Variants in GNAO1 observed in about 807,000 individuals in gnomAD.
GNAO1 encodes the protein guanine nucleotide-binding protein G(o) subunit alpha.
For synonymous variants in GNAO1, 164 were observed against 180.7 expected, an observed-to-expected ratio of 0.91 and a Z score of 0.74; for missense variants, 166 against 478.7, an observed-to-expected ratio of 0.35 and a Z score of 6.10.
At chr16:56,261,018 T>A (rs1191439380) in intron 2 of GNAO1, among the ~76,000 whole-genome samples, 1 of 152,158 alleles carries the variant, frequency 6.6e-6, no homozygotes, top group Non-Finnish European at 1.5e-5. Context: ...GTCCATGTAG[T>A]CAGAGATGTT....
At position 56,328,770 on chromosome 16, in the gene GNAO1, A is replaced by C. The variant is rs2037660606; in HGVS notation, c.443A>C (p.Gln148Pro). ...QECFNRSREY[Q>P]LNDSAKYYLD... ...TGCTTCAACCGGTCCCGGGAGTATC[A>C]GCTCAACGACTCTGCCAAATAGTGA... The change falls in exon 4 of 9, where the codon CAG becomes CCG. Residue 148 changes from glutamine (Q) to proline (P), a missense_variant. Transcript: ENST00000262493. The C allele has an allele frequency of 1.2e-6, 2 of 1,614,254 alleles. No homozygotes were observed. The highest frequency in any genetic ancestry group is 8.5e-7 in the Non-Finnish European group (1 of 1,180,030).
At chr16:56,347,284 C>T (rs751741303) in intron 6 of GNAO1, 86 of 985,294 alleles carry the variant, frequency 8.7e-5, no homozygotes, top group Non-Finnish European at 1.0e-4. Context: ...GCTCCAGCTC[C>T]GCGGCCACCA....
intron 2 of GNAO1, chr16:56,192,859 T>C: frequency 1.8e-6 from 1 of 541,772 alleles, no homozygotes; most frequent in South Asian, 2.4e-5. Context: ...CCTGTAGTTG[T>C]ATGAATGACA....
chr16:56,319,364 GGAA>G (rs1437691390), intron 3 of GNAO1, among the ~76,000 whole-genome samples: 1 of 152,142 alleles, frequency 6.6e-6, no homozygotes, highest in African/African-American at 2.4e-5. Flanking sequence ...TGAGAAGCGC[GGAA>G]GAAGGTGCTA....
At chr16:56,285,704 A>G (rs2037159645) in intron 3 of GNAO1, among the ~76,000 whole-genome samples, 4 of 152,248 alleles carry the variant, frequency 2.6e-5, no homozygotes, top group Non-Finnish European at 4.4e-5. Context: ...TGGGCCTACC[A>G]CAAATGCAAT....
chr16:56,194,303 C>A (rs775360821), intron 2 of GNAO1: 1 of 456,496 alleles, frequency 2.2e-6, no homozygotes, highest in Non-Finnish European at 4.4e-6. Flanking sequence ...CCCTTTGCAA[C>A]AAGGTGCATG....
intron 3 of GNAO1, among the ~76,000 whole-genome samples, chr16:56,324,378 G>A (rs756814909): frequency 3.3e-5 from 5 of 152,178 alleles, no homozygotes; most frequent in Admixed American, 6.5e-5. Flanking sequence ...GTCCTGACTT[G>A]TTCTGACTCA....
intron 2 of GNAO1, among the ~76,000 whole-genome samples, chr16:56,205,131 G>A (rs747120851): frequency 1.3e-5 from 2 of 152,220 alleles, no homozygotes; most frequent in South Asian, 2.1e-4. Context: ...GTGTCCATAT[G>A]TACTCTCCAC....
chr16:56,228,062 T>G (rs2036549204), intron 2 of GNAO1, among the ~76,000 whole-genome samples: 2 of 152,044 alleles, frequency 1.3e-5, no homozygotes, highest in African/African-American at 4.8e-5. Context: ...CATAGCAGGA[T>G]TGACAGGAAG....
At chr16:56,268,187 AG>A (rs2036977813) in intron 2 of GNAO1, among the ~76,000 whole-genome samples, 1 of 152,346 alleles carries the variant, frequency 6.6e-6, no homozygotes, top group East Asian at 1.9e-4. Context: ...GTGGGCTCTA[AG>A]CAGAACCATT....
At chr16:56,220,463 G>A (rs1331637552) in intron 2 of GNAO1, among the ~76,000 whole-genome samples, 9 of 152,136 alleles carry the variant, frequency 5.9e-5, no homozygotes, top group African/African-American at 9.7e-5. Flanking sequence ...AGAAGTTTGG[G>A]GTCCAAAACT....
intron 2 of GNAO1, among the ~76,000 whole-genome samples, chr16:56,222,851 G>A (rs925306655): frequency 2.6e-5 from 4 of 152,118 alleles, no homozygotes; most frequent in African/African-American, 9.7e-5. Flanking sequence ...AGGTGATAAT[G>A]ATAGCTAGCA....
chr16:56,320,380 G>A (rs1482945623), intron 3 of GNAO1, among the ~76,000 whole-genome samples: 1 of 152,196 alleles, frequency 6.6e-6, no homozygotes, highest in African/African-American at 2.4e-5. Flanking sequence ...CCCTCCGTTT[G>A]CTCACACAAC....
rs569075319 is a variant in GNAO1 at position 56,222,682 on chromosome 16, C to T, written c.161+30066C>T. Reference sequence around the variant, plus strand: ...GGAGCCTGGTAACTTGAGCCTCCATCGTAGGTGTGTGTGAGAAAGGAAATG... The same window carrying T: ...GGAGCCTGGTAACTTGAGCCTCCATTGTAGGTGTGTGTGAGAAAGGAAATG... On this transcript the variant is annotated intron_variant, in intron 2 of 8. Coordinates refer to ENST00000262493, the MANE Select transcript of GNAO1 (RefSeq NM_020988.3). 4.6e-5 allele frequency among the ~76,000 whole-genome samples: 7 copies of T among 152,252 alleles called. No individual in the cohort carries two copies. In the South Asian group the frequency reaches 1.2e-3, roughly 27 times the overall value.
chr16:56,234,565 A>T (rs2036619619), intron 2 of GNAO1, among the ~76,000 whole-genome samples: 1 of 152,156 alleles, frequency 6.6e-6, no homozygotes, highest in African/African-American at 2.4e-5. Flanking sequence ...AGTCTGCATG[A>T]ACCCATGAAC....
At chr16:56,347,647 T>A in intron 6 of GNAO1, 1 of 985,174 alleles carries the variant, frequency 1.0e-6, no homozygotes, top group South Asian at 4.7e-5. Flanking sequence ...ACAGAAGCTC[T>A]CATCCCCAGG....
At chr16:56,345,809 T>G in intron 6 of GNAO1, 3 of 985,544 alleles carry the variant, frequency 3.0e-6, no homozygotes, top group Non-Finnish European at 3.6e-6. Context: ...GGCCAGTTGT[T>G]CCGCTTACTC....
At chr16:56,206,200 G>C (rs2036326179) in intron 2 of GNAO1, among the ~76,000 whole-genome samples, 1 of 151,828 alleles carries the variant, frequency 6.6e-6, no homozygotes, top group African/African-American at 2.4e-5. Flanking sequence ...GGCGACTGTA[G>C]TCACAGCTAC....
chr16:56,283,744 C>T (rs1183218958), intron 3 of GNAO1, among the ~76,000 whole-genome samples: 2 of 152,094 alleles, frequency 1.3e-5, no homozygotes, highest in East Asian at 3.9e-4. Context: ...TCCCATAGCC[C>T]AAACACGAGG....
Sources: allele counts gnomAD v4.1 joint callset (sites outside exome capture counted in the v4.1 genomes callset), GRCh38; gene constraint gnomAD v4.1.1; transcripts MANE v1.5; gene names NCBI Gene and HGNC (gene_info 2026-07-23, HGNC 2026-07-21).